Variants in RAD51 observed in about 807,000 individuals in gnomAD.
RAD51 encodes the protein DNA repair protein RAD51 homolog 1.
In RAD51, 14 loss-of-function variants were observed where a neutral mutation model predicts 41.5. That is an observed-to-expected ratio of 0.34 (90% CI 0.22 to 0.53). The LOEUF (loss-of-function observed/expected upper bound fraction) is 0.53. Among genes scored for constraint, RAD51 ranks in the 20% least tolerant of loss-of-function variants. The pLI, the probability that RAD51 is intolerant of heterozygous loss-of-function variation, is 0.95. For missense variants in RAD51, 234 were observed against 422.0 expected, an observed-to-expected ratio of 0.55 and a Z score of 3.90; for synonymous variants, 136 against 148.6, an observed-to-expected ratio of 0.92 and a Z score of 0.62.
chr15:40,704,093 G>A (rs1327704615), intron 3 of RAD51, among the ~76,000 whole-genome samples: 1 of 151,548 alleles, frequency 6.6e-6, no homozygotes, highest in Non-Finnish European at 1.5e-5. Flanking sequence ...TTTTATTTTT[G>A]AGACGGAGTC....
intron 5 of RAD51, among the ~76,000 whole-genome samples, chr15:40,712,189 G>C (rs903337040): frequency 6.6e-6 from 1 of 152,134 alleles, no homozygotes; most frequent in Non-Finnish European, 1.5e-5. Flanking sequence ...ACAATAAAGA[G>C]AAGTAGGGAA....
chr15:40,719,398 TA>T (rs34016485), intron 6 of RAD51, among the ~76,000 whole-genome samples: 74,103 of 149,254 alleles, frequency 0.5, 18,969 homozygotes, highest in East Asian at 0.77. Context: ...AGACTGGATT[TA>T]AAAAAAAAAA....
chr15:40,706,107 T>TA, intron 3 of RAD51, 70 bp from the exon 4 acceptor site: 3 of 1,118,078 alleles, frequency 2.7e-6, no homozygotes, highest in Non-Finnish European at 4.1e-6. Context: ...TTATATATAT[T>TA]TTTTTGCCAT....
intron 5 of RAD51, 49 bp from the exon 6 acceptor site, chr15:40,718,756 G>C (rs749338359): frequency 6.8e-7 from 1 of 1,462,486 alleles, no homozygotes; most frequent in Non-Finnish European, 9.6e-7. Flanking sequence ...TTGGTCAGCT[G>C]TATCAGAAAT....
At chr15:40,698,513 T>A (rs1460951752) in intron 1 of RAD51, among the ~76,000 whole-genome samples, 8 of 152,138 alleles carry the variant, frequency 5.3e-5, no homozygotes, top group Admixed American at 5.2e-4. Flanking sequence ...ATTCTACATA[T>A]GAGTGAGATC....
chr15:40,730,598 T>C lies in RAD51; in HGVS notation c.897-457T>C, dbSNP rs1161286788. ...GTGCAGTGGCACGATCTCGGCTCAC[T>C]GCAAGCTCCGCCTCCCGGGTTCACA... On this transcript the variant is annotated intron_variant, in intron 9 of 9. Transcript: ENST00000267868. 4.2e-5 allele frequency among the ~76,000 whole-genome samples: 6 copies of C among 144,234 alleles called. No homozygotes were observed. In the Admixed American group the frequency reaches 4.3e-4, roughly 10 times the overall value. 94.6% of individuals were successfully genotyped at this position (144,234 alleles called of 152,430 possible).
At chr15:40,727,860 CTT>C (rs754071390) in intron 6 of RAD51, among the ~76,000 whole-genome samples, 18 of 132,224 alleles carry the variant, frequency 1.4e-4, no homozygotes, top group Non-Finnish European at 1.4e-4. Context: ...TAAACATTCT[CTT>C]TTTTTTTTTT....
chr15:40,712,053 C>T (rs1278758762), intron 5 of RAD51, among the ~76,000 whole-genome samples: 1 of 135,816 alleles, frequency 7.4e-6, no homozygotes, highest in Non-Finnish European at 1.5e-5. Flanking sequence ...GCCTGGGCAA[C>T]AGAGCAAGAT....
chr15:40,700,922 TCCCCCCG>T, intron 2 of RAD51, 135 bp from the exon 3 acceptor site: 1 of 754,242 alleles, frequency 1.3e-6, no homozygotes, highest in Non-Finnish European at 2.0e-6. Flanking sequence ...ACTTCCCATC[TCCCCCCG>T]CCCCCCCAAG....
chr15:40,718,307 C>T (rs1896086582), intron 5 of RAD51, among the ~76,000 whole-genome samples: 2 of 152,108 alleles, frequency 1.3e-5, no homozygotes, highest in Admixed American at 6.6e-5. Flanking sequence ...CACCTGAGGT[C>T]AGGAGTTCAA....
chr15:40,706,397 G>A (rs145689397), intron 4 of RAD51, 103 bp downstream of exon 4: 5 of 1,006,190 alleles, frequency 5.0e-6, no homozygotes, highest in Non-Finnish European at 7.8e-6. Context: ...GTTAGATAAT[G>A]ATAAAGAGAT....
chr15:40,701,769 A>G (rs1191290524), intron 3 of RAD51: 2 of 298,264 alleles, frequency 6.7e-6, no homozygotes, highest in South Asian at 2.8e-5. Flanking sequence ...TATGTAGTAT[A>G]AAGCAGATTT....
intron 5 of RAD51, among the ~76,000 whole-genome samples, chr15:40,717,929 C>T (rs1036856840): frequency 6.6e-6 from 1 of 152,114 alleles, no homozygotes; most frequent in Non-Finnish European, 1.5e-5. Context: ...TGTTGGTATG[C>T]AGTTCTAGAA....
intron 5 of RAD51, among the ~76,000 whole-genome samples, chr15:40,716,642 C>G (rs900420538): frequency 3.3e-5 from 5 of 149,854 alleles, no homozygotes; most frequent in Middle Eastern, 3.2e-3. Flanking sequence ...GCCCCCATGC[C>G]TGGCCTCTCT....
chr15:40,718,557 T>C (rs1280428603), intron 5 of RAD51, among the ~76,000 whole-genome samples: 1 of 151,992 alleles, frequency 6.6e-6, no homozygotes, highest in African/African-American at 2.4e-5. Context: ...TTACCTACTT[T>C]GGGCTATATT....
At chr15:40,715,825 TAGG>T (rs1895959619) in intron 5 of RAD51, among the ~76,000 whole-genome samples, 1 of 152,206 alleles carries the variant, frequency 6.6e-6, no homozygotes, top group Non-Finnish European at 1.5e-5. Context: ...TACCTGGAGG[TAGG>T]AGAAAGGAGA....
chr15:40,696,846 TTAA>T (rs35104813), intron 1 of RAD51, among the ~76,000 whole-genome samples: 41,243 of 152,008 alleles, frequency 0.27, 6,629 homozygotes, highest in Middle Eastern at 0.35. Flanking sequence ...ATTTTCCTGA[TTAA>T]TAATGATGTT....
At chr15:40,695,155 G>A (rs1894527051), upstream of RAD51, 1 of 152,336 alleles carries the variant, frequency 6.6e-6, no homozygotes, top group Non-Finnish European at 1.5e-5. Context: ...CGTGACCCTG[G>A]GCGAGAGGGT....
chr15:40,712,001 G>A (rs553786251), intron 5 of RAD51, among the ~76,000 whole-genome samples: 74 of 151,942 alleles, frequency 4.9e-4, no homozygotes, highest in African/African-American at 1.7e-3. Flanking sequence ...GAGCCCAGGA[G>A]GCCAAGGTTG....
Sources: allele counts gnomAD v4.1 joint callset (sites outside exome capture counted in the v4.1 genomes callset), GRCh38; gene constraint gnomAD v4.1.1; transcripts MANE v1.5; gene names NCBI Gene and HGNC (gene_info 2026-07-23, HGNC 2026-07-21).